STARD3: variants seen among roughly 807,000 people sequenced by gnomAD.
The protein encoded by STARD3 is StAR related lipid transfer domain containing 3, also known as stAR-related lipid transfer protein 3.
STARD3 carries 39 observed loss-of-function variants against 62.0 expected under a neutral mutation model. That is an observed-to-expected ratio of 0.63 (90% CI 0.49 to 0.82). The LOEUF is 0.82. STARD3 is among the 40% of genes least tolerant of loss of function. The probability of loss-of-function intolerance (pLI) is 0.00; values close to 1 mark genes in which losing one functional copy is unlikely to be tolerated. For missense variants in STARD3, 543 were observed against 584.5 expected, an observed-to-expected ratio of 0.93 and a Z score of 0.73; for synonymous variants, 229 against 242.4, an observed-to-expected ratio of 0.94 and a Z score of 0.51.
At chr17:39,638,202 T>C (rs2056951209) in intron 1 of STARD3, among the ~76,000 whole-genome samples, 1 of 152,230 alleles carries the variant, frequency 6.6e-6, no homozygotes, top group Non-Finnish European at 1.5e-5. Flanking sequence ...ATCTCTTCTG[T>C]TACCACGCTG....
Position 39,658,713 on chromosome 17 carries a change from C to T in STARD3, c.548-9C>T, listed in dbSNP as rs370192883. On this transcript the variant is annotated splice_polypyrimidine_tract_variant and intron_variant, in intron 6 of 14. Transcript: ENST00000336308. ...TGTCCTCGGTCCGGGACCGAGTCTG[C>T]TCCTCCAGGGTATCTTGCCGCCCAG... 1.1e-4 allele frequency: 170 copies of T among 1,613,808 alleles called. No individual in the cohort carries two copies. Among genetic ancestry groups the T allele is most frequent in the Non-Finnish European group, 1.3e-4 (153 of 1,179,980 alleles).
rs2057145765 is a variant in STARD3 at position 39,657,771 on chromosome 17, C to G, written c.298-4C>G. 6.2e-7 allele frequency: 1 copy of G among 1,614,132 alleles called. No individual in the cohort carries two copies. The highest frequency in any genetic ancestry group is 8.5e-7 in the Non-Finnish European group (1 of 1,179,976). Reference sequence around the variant, plus strand: ...GTGACTGCCTTGCTCCCGTCCCCCACCAGGTCCTGGCCTTCTTCCGCTTCT... The same window carrying G: ...GTGACTGCCTTGCTCCCGTCCCCCAGCAGGTCCTGGCCTTCTTCCGCTTCT... On this transcript the variant is annotated splice_region_variant and splice_polypyrimidine_tract_variant and intron_variant, in intron 3 of 14. Transcript: ENST00000336308.
At chr17:39,659,162 C>T (rs2057166399) in intron 8 of STARD3, 56 bp downstream of exon 8, 9 of 1,608,714 alleles carry the variant, frequency 5.6e-6, no homozygotes, top group South Asian at 5.5e-5. Context: ...TGGAGGAGGG[C>T]GGGTGCAGGG....
chr17:39,644,686 A>G (rs1208609064), intron 1 of STARD3, among the ~76,000 whole-genome samples: 6 of 150,958 alleles, frequency 4.0e-5, no homozygotes, highest in African/African-American at 7.3e-5. Flanking sequence ...AAAAAAAAAA[A>G]AAGAAGAAGA....
intron 9 of STARD3, chr17:39,659,806 A>G (rs2057175322): frequency 4.5e-6 from 2 of 442,552 alleles, no homozygotes; most frequent in Non-Finnish European, 4.0e-6. Context: ...CCAGGCTTTG[A>G]AGGGGAAGCC....
Position 39,660,442 on chromosome 17 carries a change from C to G in STARD3, c.870C>G (p.Pro290=), listed in dbSNP as rs1264698000. The part of the protein sequence containing the change: ...GKTFILKTFL[P]CPAELVYQEV... Reference sequence around the variant, plus strand: ...CCGCCCTGTCCCAGACCTTCCTGCCCTGTCCTGCGGAGCTCGTGTACCAGG... The same window carrying G: ...CCGCCCTGTCCCAGACCTTCCTGCCGTGTCCTGCGGAGCTCGTGTACCAGG... The change falls in exon 11 of 15, where the codon CCC becomes CCG. Residue 290 remains proline, a synonymous_variant. Coordinates refer to ENST00000336308, the MANE Select transcript of STARD3 (RefSeq NM_006804.4). This position sits in a 1 kb window ranked among gnomAD's most constrained non-coding sequence, Gnocchi z 4.8. 6.2e-7 allele frequency: 1 copy of G among 1,613,910 alleles called. No homozygotes were observed. The highest frequency in any genetic ancestry group is 8.5e-7 in the Non-Finnish European group (1 of 1,180,024).
chr17:39,638,437 A>C (rs2056954300), intron 1 of STARD3, among the ~76,000 whole-genome samples: 1 of 152,138 alleles, frequency 6.6e-6, no homozygotes, highest in Non-Finnish European at 1.5e-5. Flanking sequence ...AAGGTCCAAT[A>C]ATACGGCACT....
intron 1 of STARD3, among the ~76,000 whole-genome samples, chr17:39,647,956 G>T (rs1445606668): frequency 6.6e-6 from 1 of 152,056 alleles, no homozygotes; most frequent in Non-Finnish European, 1.5e-5. Context: ...ACCAGCCTGG[G>T]CAACATAGAC....
In STARD3 at chr17:39,653,680, G is replaced by A. The variant is rs201367431; in HGVS notation, c.149G>A (p.Arg50His). The A allele has an allele frequency of 1.4e-5, 22 of 1,614,140 alleles. No homozygotes were observed. Among genetic ancestry groups the A allele is most frequent in the South Asian group, 9.9e-5 (9 of 91,084 alleles). Reference protein sequence around the residue: ...PEKRRAISDVRRTFCLFVTFD... With the variant: ...PEKRRAISDVHRTFCLFVTFD... ...AAGCGAAGGGCCATCTCTGATGTCCGCCGCACCTTCTGTCTCTTCGTCACC... is the reference window on the plus strand; with the variant it reads ...AAGCGAAGGGCCATCTCTGATGTCCACCGCACCTTCTGTCTCTTCGTCACC... Residue 50 changes from arginine to histidine, a missense_variant, in exon 2 of 15, where the codon CGC becomes CAC. Coordinates refer to ENST00000336308, the MANE Select transcript of STARD3 (RefSeq NM_006804.4).
At chr17:39,645,757 C>A (rs977746442) in intron 1 of STARD3, among the ~76,000 whole-genome samples, 8 of 151,856 alleles carry the variant, frequency 5.3e-5, no homozygotes, top group Admixed American at 5.3e-4. Context: ...TGCTCCTAGC[C>A]CCATCTTACC....
rs554868829 is a variant in STARD3 at position 39,647,026 on chromosome 17, C to G, written c.-51-6455C>G. On this transcript the variant is annotated intron_variant, in intron 1 of 14. Transcript: ENST00000336308. ...ACCATCCTGGCCAACATGGTGAAAC[C>G]CCATCTCTACTAAAAATACATAAAT... Among the ~76,000 whole-genome samples, 6 of 152,158 alleles carry G rather than the reference C, an allele frequency of 3.9e-5. No homozygotes were observed. In the South Asian group the frequency reaches 1.2e-3, roughly 32 times the overall value.
chr17:39,662,196 G>T (rs1300646767), intron 13 of STARD3, 55 bp from the exon 14 acceptor site: 11 of 1,514,322 alleles, frequency 7.3e-6, no homozygotes, highest in Non-Finnish European at 9.1e-6. Context: ...GCTGCGGGGG[G>T]GTGTCAGGGC....
At chr17:39,658,106 T>C (rs1172817353) in intron 5 of STARD3, 80 bp downstream of exon 5, 1 of 1,453,578 alleles carries the variant, frequency 6.9e-7, no homozygotes, top group Non-Finnish European at 9.4e-7. Context: ...TTTCTCTAAT[T>C]TGGGGTGTCT....
intron 1 of STARD3, among the ~76,000 whole-genome samples, chr17:39,639,670 T>G (rs1156485988): frequency 1.3e-5 from 2 of 152,204 alleles, no homozygotes; most frequent in African/African-American, 4.8e-5. Context: ...TGAGGAAGCA[T>G]CCCTTGACTT....
At position 39,660,977 on chromosome 17, in the gene STARD3, G is replaced by A. The variant is rs192235744; in HGVS notation, c.1035-4G>A. 7,022 of 1,613,458 alleles carry A rather than the reference G, an allele frequency of 4.4e-3. 30 individuals carry two copies. The highest frequency in any genetic ancestry group is 4.5e-3 in the Non-Finnish European group (5,305 of 1,179,890). On this transcript the variant is annotated splice_region_variant and splice_polypyrimidine_tract_variant and intron_variant, in intron 12 of 14. Transcript: ENST00000336308. The surrounding 1 kb of genome is among the most constrained non-coding windows in gnomAD (Gnocchi z 4.8). Reference sequence around the variant, plus strand: ...GTCCCCTGAACTAACCCTCCCTCCCGCAGGGACTTCGTGAATGTCCGGCGC... The same window carrying A: ...GTCCCCTGAACTAACCCTCCCTCCCACAGGGACTTCGTGAATGTCCGGCGC...
intron 7 of STARD3, 111 bp downstream of exon 7, chr17:39,658,931 G>T: frequency 1.4e-5 from 22 of 1,556,832 alleles, no homozygotes; most frequent in Non-Finnish European, 1.5e-5. Context: ...GGGAAAGCCA[G>T]CAACCCTCTC....
chr17:39,662,140 C>A (rs2057205986), intron 13 of STARD3, 111 bp from the exon 14 acceptor site: 2 of 955,010 alleles, frequency 2.1e-6, no homozygotes, highest in East Asian at 5.2e-5. Context: ...CTTTCTGCTT[C>A]CAGCCCAGTC....
At chr17:39,650,068 G>A (rs1347149161) in intron 1 of STARD3, among the ~76,000 whole-genome samples, 1 of 152,122 alleles carries the variant, frequency 6.6e-6, no homozygotes, top group African/African-American at 2.4e-5. Flanking sequence ...ATAGGTTACT[G>A]TTAGGGGTTG....
chr17:39,656,286 G>A (rs941980255), intron 2 of STARD3, among the ~76,000 whole-genome samples: 2 of 152,172 alleles, frequency 1.3e-5, no homozygotes, highest in Non-Finnish European at 2.9e-5. Flanking sequence ...TCTCCAGGGT[G>A]GCTGGTGCCC....
Sources: allele counts gnomAD v4.1 joint callset (sites outside exome capture counted in the v4.1 genomes callset), GRCh38; gene constraint gnomAD v4.1.1; non-coding constraint Gnocchi (gnomAD v3.1); transcripts MANE v1.5; gene names NCBI Gene and HGNC (gene_info 2026-07-23, HGNC 2026-07-21).